The following HTR1D variants were observed in gnomAD, a reference collection of about 807,000 sequenced individuals.
The protein encoded by HTR1D is 5-hydroxytryptamine receptor 1D.
Under a neutral mutation model 21.1 loss-of-function variants are expected in HTR1D, and 18 were observed. That is an observed-to-expected ratio of 0.85 (90% CI 0.59 to 1.27). The LOEUF is 1.27. Ranked by LOEUF, HTR1D falls within the 50% of genes most tolerant of loss-of-function variation. The pLI, the probability that HTR1D is intolerant of heterozygous loss-of-function variation, is 0.00. For missense variants in HTR1D, 456 were observed against 481.4 expected (o/e 0.95, Z 0.49); for synonymous variants, 196 against 204.4 (o/e 0.96, Z 0.35).
intron 1 of HTR1D, among the ~76,000 whole-genome samples, chr1:23,198,973 A>G (rs916038465): frequency 1.3e-5 from 2 of 152,198 alleles, no homozygotes; most frequent in Non-Finnish European, 2.9e-5. Flanking sequence ...CTCCTGCCTC[A>G]GCATCCCAAG....
chr1:23,210,314 G>C (rs1644749029), intron 1 of HTR1D, among the ~76,000 whole-genome samples: 1 of 152,228 alleles, frequency 6.6e-6, no homozygotes. Context: ...TTGGCCTCAA[G>C]TGATTCACTC....
Position 23,194,902 on chromosome 1 carries a change from A to C in HTR1D, c.-683T>G, listed in dbSNP as rs1310582459. Among the ~76,000 whole-genome samples, 1 of 152,174 alleles carries C rather than the reference A, an allele frequency of 6.6e-6. No homozygotes were observed. The highest frequency in any genetic ancestry group is 1.5e-5 in the Non-Finnish European group (1 of 68,030). On this transcript the variant is annotated 5_prime_UTR_variant, in exon 2 of 2. Coordinates refer to ENST00000374619, the MANE Select transcript of HTR1D (RefSeq NM_000864.5). ...GATCGTTTTAGAGCCTGAACAGACAAAACATCCTGGTTACCAAGACTCGAA... is the reference window on the plus strand; with the variant it reads ...GATCGTTTTAGAGCCTGAACAGACACAACATCCTGGTTACCAAGACTCGAA...
In HTR1D at chr1:23,194,343, C is replaced by A; in HGVS notation, c.-124G>T. On this transcript the variant is annotated 5_prime_UTR_variant, in exon 2 of 2. Transcript: ENST00000374619. ...GGTGGGAGCCGTACACCAGAACAGA[C>A]CACAGTGAAAAGGTCTCAAGACCAG... 3.7e-6 allele frequency: 3 copies of A among 810,456 alleles called. No individual in the cohort carries two copies. Among genetic ancestry groups the A allele is most frequent in the Non-Finnish European group, 6.0e-6 (3 of 497,376 alleles). 50.2% of individuals were successfully genotyped at this position (810,456 alleles called of 1,614,324 possible). A position where few individuals can be genotyped will look rare whatever the true frequency, so the allele number is the denominator to read the frequency against.
intron 1 of HTR1D, among the ~76,000 whole-genome samples, chr1:23,212,141 G>A (rs974483715): frequency 6.6e-5 from 10 of 152,186 alleles, no homozygotes; most frequent in Middle Eastern, 3.4e-3. Context: ...GAGTCTCTGC[G>A]CAGGCTATTC....
Position 23,193,701 on chromosome 1 carries a change from C to CG in HTR1D, c.518dup (p.Leu174AlafsTer89). On this transcript the variant is annotated frameshift_variant, in exon 2 of 2. Coordinates refer to ENST00000374619, the MANE Select transcript of HTR1D (RefSeq NM_000864.5). LOFTEE classifies it high-confidence loss of function. Reference sequence around the variant, plus strand: ...GGGCCTTGGCCTGCCGCCAGAAGAGCGGGGGGATGGAGATGCAGATGGAGA... The same window carrying CG: ...GGGCCTTGGCCTGCCGCCAGAAGAGCGGGGGGGATGGAGATGCAGATGGAGA... 1.9e-6 allele frequency: 3 copies of CG among 1,613,836 alleles called. No individual in the cohort carries two copies. Among genetic ancestry groups the CG allele is most frequent in the Non-Finnish European group, 2.5e-6 (3 of 1,179,882 alleles).
Position 23,217,396 on chromosome 1 carries a change from C to G in HTR1D, c.-888G>C, listed in dbSNP as rs1473669701. Among the ~76,000 whole-genome samples the G allele has an allele frequency of 1.3e-5, 2 of 151,850 alleles. No homozygotes were observed. Among genetic ancestry groups the G allele is most frequent in the Non-Finnish European group, 2.9e-5 (2 of 67,914 alleles). ...GCCTTGTCTCCGCCGCGACCCCCGC[C>G]GAACTCGGGGGCCGCCCGCCCCGCC... On this transcript the variant is annotated 5_prime_UTR_variant, in exon 1 of 2. Transcript: ENST00000374619. This position sits in a 1 kb window ranked among gnomAD's most constrained non-coding sequence, Gnocchi z 4.6.
intron 1 of HTR1D, among the ~76,000 whole-genome samples, chr1:23,214,128 C>G (rs1644764749): frequency 6.6e-6 from 1 of 152,174 alleles, no homozygotes; most frequent in African/African-American, 2.4e-5. Context: ...ATTTCCTCTT[C>G]TCCATTTAAA....
At chr1:23,210,777 G>A (rs773405907) in intron 1 of HTR1D, among the ~76,000 whole-genome samples, 21 of 152,004 alleles carry the variant, frequency 1.4e-4, no homozygotes, top group Non-Finnish European at 2.5e-4. Context: ...CCTGGGAGCC[G>A]ACTGGCAGGG....
At chr1:23,199,632 TATTA>T (rs902359764) in intron 1 of HTR1D, among the ~76,000 whole-genome samples, 5 of 151,936 alleles carry the variant, frequency 3.3e-5, no homozygotes, top group South Asian at 2.1e-4. Context: ...AGTACATTAA[TATTA>T]ATTGTTATTC....
rs1217732332 is a variant in HTR1D at position 23,193,921 on chromosome 1, A to G, written c.299T>C (p.Ile100Thr). The G allele has an allele frequency of 6.2e-7, 1 of 1,614,220 alleles. No individual in the cohort carries two copies. Among genetic ancestry groups the G allele is most frequent in the Admixed American group, 1.7e-5 (1 of 60,020 alleles). ...LVMPISIAYT[I>T]THTWNFGQIL... ...TTGGCCAAAGTTCCAGGTGTGGGTG[A>G]TGGTATAGGCGATGCTGATGGGCAT... The change falls in exon 2 of 2, where the codon ATC becomes ACC. Residue 100 changes from isoleucine (I) to threonine (T), a missense_variant. By Grantham distance (89) the Ile-to-Thr change is moderately conservative. Transcript: ENST00000374619.
chr1:23,195,104 A>G (rs1027966304), intron 1 of HTR1D, among the ~76,000 whole-genome samples, 103 bp from the exon 2 acceptor site: 44 of 152,314 alleles, frequency 2.9e-4, no homozygotes, highest in African/African-American at 9.4e-4. Context: ...AAAGCTGGCC[A>G]TGGTGCTGTG....
chr1:23,203,766 G>A (rs568713386), intron 1 of HTR1D, among the ~76,000 whole-genome samples: 10 of 152,260 alleles, frequency 6.6e-5, no homozygotes, highest in East Asian at 1.9e-4. Context: ...ATGTGTGTAC[G>A]TCCACCAAAA....
chr1:23,214,205 T>C (rs1193303122), intron 1 of HTR1D, among the ~76,000 whole-genome samples: 1 of 152,108 alleles, frequency 6.6e-6, no homozygotes, highest in African/African-American at 2.4e-5. Flanking sequence ...GGTAGGAGGA[T>C]CACTTGAGCT....
intron 1 of HTR1D, among the ~76,000 whole-genome samples, chr1:23,204,458 A>G (rs963425296): frequency 6.6e-6 from 1 of 152,160 alleles, no homozygotes; most frequent in Non-Finnish European, 1.5e-5. Flanking sequence ...AATGCGAACA[A>G]TAACAGCACC....
At chr1:23,215,377 A>G (rs1557730384) in intron 1 of HTR1D, among the ~76,000 whole-genome samples, 2 of 152,094 alleles carry the variant, frequency 1.3e-5, no homozygotes, top group African/African-American at 4.8e-5. Flanking sequence ...TGATCACACC[A>G]CTACACTCCA....
chr1:23,214,717 G>T (rs541228473), intron 1 of HTR1D, among the ~76,000 whole-genome samples: 2 of 151,932 alleles, frequency 1.3e-5, no homozygotes, highest in Non-Finnish European at 2.9e-5. Flanking sequence ...TGTTTATTGC[G>T]TATCTTTCCC....
intron 1 of HTR1D, among the ~76,000 whole-genome samples, chr1:23,212,704 C>A (rs890225661): frequency 6.6e-6 from 1 of 152,158 alleles, no homozygotes. Flanking sequence ...ACAGTTTCAC[C>A]TTTCTTTGAC....
intron 1 of HTR1D, among the ~76,000 whole-genome samples, chr1:23,200,672 C>T (rs1644706009): frequency 6.6e-6 from 1 of 152,116 alleles, no homozygotes; most frequent in Non-Finnish European, 1.5e-5. Context: ...CCGTGCCTGG[C>T]CTTGTAATAA....
In HTR1D at chr1:23,217,490, C is replaced by T. The variant is rs1644780702; in HGVS notation, c.-982G>A. ...TGCCTCCGCCTCTCCCAGAGCCCTG[C>T]GGCTCCTTCTCCGCGCTCCCCTTCC... On this transcript the variant is annotated 5_prime_UTR_variant, in exon 1 of 2. Transcript: ENST00000374619. This position sits in a 1 kb window ranked among gnomAD's most constrained non-coding sequence, Gnocchi z 4.6. Among the ~76,000 whole-genome samples, 1 of 152,038 alleles carries T rather than the reference C, an allele frequency of 6.6e-6. No homozygotes were observed. Among genetic ancestry groups the T allele is most frequent in the East Asian group, 1.9e-4 (1 of 5,138 alleles).
Sources: gnomAD v4.1 joint callset for allele counts (sites outside exome capture counted in the v4.1 genomes callset) on GRCh38, gnomAD v4.1.1 for gene constraint, Gnocchi (gnomAD v3.1) non-coding constraint, MANE v1.5 for transcripts, NCBI Gene and HGNC (gene_info 2026-07-23, HGNC 2026-07-21) for gene names.